Variants in RASGRP3 observed in about 807,000 individuals in gnomAD.
RASGRP3 encodes ras guanyl-releasing protein 3.
RASGRP3 carries 54 observed loss-of-function variants against 82.7 expected under a neutral mutation model. The observed-to-expected ratio is 0.65, with a 90% confidence interval of 0.52 to 0.82. RASGRP3 has a LOEUF of 0.82. Ranked by LOEUF, RASGRP3 falls within the 40% of genes least tolerant of loss-of-function variation. RASGRP3 has a pLI of 0.00. For missense variants in RASGRP3, 861 were observed against 828.9 expected, an observed-to-expected ratio of 1.04 and a Z score of -0.48; for synonymous variants, 309 against 300.5, an observed-to-expected ratio of 1.03 and a Z score of -0.29.
chr2:33,452,206 G>C (rs1170953918), intron 2 of RASGRP3, among the ~76,000 whole-genome samples: 3 of 152,084 alleles, frequency 2.0e-5, no homozygotes, highest in Admixed American at 1.3e-4. Flanking sequence ...TGAATTCTCT[G>C]ACAGGCAGTT....
rs376794480 is a variant in RASGRP3, at chr2:33,528,859, C to T, written c.1083+1447C>T. Among the ~76,000 whole-genome samples, 16 of 152,312 alleles carry T rather than the reference C, an allele frequency of 1.1e-4. No individual in the cohort carries two copies. In the East Asian group the frequency reaches 1.5e-3, roughly 15 times the overall value. ...TCTCTACTGGGGGCAGGGAACGCAA[C>T]TCACAATAATCCAAGCACCTGCATT... is the stretch of plus-strand genomic sequence containing the variant. On this transcript the variant is annotated intron_variant, in intron 10 of 17. Transcript: ENST00000403687.
In RASGRP3 at chr2:33,562,714, C is replaced by T. The variant is rs1676818507; in HGVS notation, c.2065-15C>T. ...TGAGATCCAGCCATGCAATAGGTTC[C>T]AATTTGTGTTTCAGGATGGCTGACT... is the stretch of plus-strand genomic sequence containing the variant. On this transcript the variant is annotated splice_polypyrimidine_tract_variant and intron_variant, in intron 17 of 17. Coordinates refer to ENST00000403687, the MANE Select transcript of RASGRP3 (RefSeq NM_001139488.2). The T allele has an allele frequency of 1.2e-6, 2 of 1,613,040 alleles. No homozygotes were observed. The highest frequency in any genetic ancestry group is 1.3e-5 in the African/African-American group (1 of 74,900).
rs929480479 is a variant in RASGRP3, at chr2:33,541,834, A to T, written c.1279-1678A>T. Among the ~76,000 whole-genome samples the T allele has an allele frequency of 1.4e-5, 2 of 147,288 alleles. 1 individual carries two copies. Among genetic ancestry groups the T allele is most frequent in the Non-Finnish European group, 3.0e-5 (2 of 65,788 alleles). ...AAAATATTTTTCTTTATGGCTTCTG[A>T]CATTGATGTCATGCCAAGAAAGGCC... On this transcript the variant is annotated intron_variant, in intron 12 of 17. Coordinates refer to ENST00000403687, the MANE Select transcript of RASGRP3 (RefSeq NM_001139488.2).
At chr2:33,552,265 C>T (rs1272868733) in intron 14 of RASGRP3, among the ~76,000 whole-genome samples, 2 of 152,202 alleles carry the variant, frequency 1.3e-5, no homozygotes, top group Non-Finnish European at 2.9e-5. Flanking sequence ...CCCTTGCTAA[C>T]TCTATGTCCT....
chr2:33,539,458 G>T, intron 12 of RASGRP3: 1 of 353,970 alleles, frequency 2.8e-6, no homozygotes. Context: ...CTCTTTCACA[G>T]GCATTTGCCA....
intron 17 of RASGRP3, among the ~76,000 whole-genome samples, chr2:33,561,446 G>A (rs772567282): frequency 1.3e-5 from 2 of 152,064 alleles, no homozygotes; most frequent in Non-Finnish European, 2.9e-5. Flanking sequence ...AATGAAGGAC[G>A]TATGCTCTTA....
chr2:33,496,896 C>G (rs75872308), intron 1 of RASGRP3, among the ~76,000 whole-genome samples: 3,740 of 152,190 alleles, frequency 0.025, 161 homozygotes, highest in East Asian at 0.14. Context: ...AAACAAACCC[C>G]TACTCCCATC....
chr2:33,486,126 G>A (rs917672770), intron 1 of RASGRP3, among the ~76,000 whole-genome samples: 2 of 151,242 alleles, frequency 1.3e-5, no homozygotes, highest in Non-Finnish European at 2.9e-5. Flanking sequence ...GATTCACTTG[G>A]TATTTCTTTT....
At chr2:33,449,745 G>A (rs1228596478) in intron 2 of RASGRP3, among the ~76,000 whole-genome samples, 4 of 151,640 alleles carry the variant, frequency 2.6e-5, no homozygotes, top group South Asian at 2.1e-4. Flanking sequence ...GTGATAGTAC[G>A]AGACTCCATC....
At chr2:33,562,267 CTTTTT>C (rs71409631) in intron 17 of RASGRP3, among the ~76,000 whole-genome samples, 8 of 127,036 alleles carry the variant, frequency 6.3e-5, no homozygotes, top group Admixed American at 3.3e-4. Context: ...ATCTCTCTCT[CTTTTT>C]TTTTTTTTTT....
chr2:33,451,701 T>C (rs1235142656), intron 2 of RASGRP3, among the ~76,000 whole-genome samples: 1 of 152,164 alleles, frequency 6.6e-6, no homozygotes, highest in Non-Finnish European at 1.5e-5. Flanking sequence ...TTGGTGAAGA[T>C]CTCTGTATTT....
intron 1 of RASGRP3, among the ~76,000 whole-genome samples, chr2:33,442,033 T>A (rs143666965): frequency 6.6e-6 from 1 of 152,158 alleles, no homozygotes; most frequent in Non-Finnish European, 1.5e-5. Context: ...TACACTTACA[T>A]TCAGTGAATG....
chr2:33,459,137 T>C (rs1666208640), intron 2 of RASGRP3, among the ~76,000 whole-genome samples: 1 of 152,184 alleles, frequency 6.6e-6, no homozygotes. Flanking sequence ...TCTCGGACTT[T>C]TTTTTTTGAG....
At chr2:33,537,332 A>ACC (rs1558501748) in intron 11 of RASGRP3, among the ~76,000 whole-genome samples, 3 of 70,714 alleles carry the variant, frequency 4.2e-5, no homozygotes. Flanking sequence ...CGCCCCCCCC[A>ACC]CACACACACA....
intron 15 of RASGRP3, among the ~76,000 whole-genome samples, chr2:33,557,953 A>G (rs146137194): frequency 6.6e-6 from 1 of 152,240 alleles, no homozygotes; most frequent in Non-Finnish European, 1.5e-5. Flanking sequence ...CCTAGGCACA[A>G]TTGCTCATTA....
upstream of RASGRP3, among the ~76,000 whole-genome samples, chr2:33,473,399 A>T (rs1420989306): frequency 6.6e-6 from 1 of 152,102 alleles, no homozygotes; most frequent in Non-Finnish European, 1.5e-5. Context: ...AAAAGCAAAA[A>T]ATCAGAAAGA....
chr2:33,556,768 C>T (rs17013330), intron 15 of RASGRP3, among the ~76,000 whole-genome samples: 4,185 of 152,036 alleles, frequency 0.028, 192 homozygotes, highest in East Asian at 0.21. Context: ...ATTAGTGCTT[C>T]TCTATCACTT....
chr2:33,512,489 A>G (rs1293755500), intron 2 of RASGRP3, among the ~76,000 whole-genome samples: 2 of 152,222 alleles, frequency 1.3e-5, no homozygotes, highest in African/African-American at 2.4e-5. Context: ...AGTTTACATT[A>G]GAGGAATCAG....
chr2:33,445,087 T>A (rs1665430436), intron 1 of RASGRP3, among the ~76,000 whole-genome samples: 1 of 152,248 alleles, frequency 6.6e-6, no homozygotes, highest in Non-Finnish European at 1.5e-5. Context: ...CATTGTCTTA[T>A]TTGAAGGATA....
Sources: allele counts gnomAD v4.1 joint callset (sites outside exome capture counted in the v4.1 genomes callset), GRCh38; gene constraint gnomAD v4.1.1; transcripts MANE v1.5; gene names NCBI Gene and HGNC (gene_info 2026-07-23, HGNC 2026-07-21).